Variants in RASA3 observed in about 807,000 individuals in gnomAD.
RASA3 encodes the protein RAS p21 protein activator 3.
A neutral mutation model predicts 110.0 loss-of-function variants in RASA3; 73 were observed. The ratio of observed to expected loss-of-function variants is 0.66; its 90% CI spans 0.55 to 0.81. The LOEUF is 0.81. Among genes scored for constraint, RASA3 ranks in the 30% least tolerant of loss-of-function variants. The pLI, the probability that RASA3 is intolerant of heterozygous loss-of-function variation, is 0.00. For missense variants in RASA3, 976 were observed against 1,113.2 expected, an observed-to-expected ratio of 0.88 and a Z score of 1.75; for synonymous variants, 500 against 451.4, an observed-to-expected ratio of 1.11 and a Z score of -1.37.
rs2054287734 is a variant in RASA3, at chr13:114,036,852, A to G, written c.372+4148T>C. On this transcript the variant is annotated intron_variant, in intron 4 of 23. Transcript: ENST00000334062. Reference sequence around the variant, plus strand: ...GCGCCCAGCCTGGAGTTGAGGTTTTAAAGGTTGGCTGGAGTCCAGCAGGGC... The same window carrying G: ...GCGCCCAGCCTGGAGTTGAGGTTTTGAAGGTTGGCTGGAGTCCAGCAGGGC... Among the ~76,000 whole-genome samples, 3 of 152,108 alleles carry G rather than the reference A, an allele frequency of 2.0e-5. No homozygotes were observed. The East Asian group carries it at 5.8e-4, about 29-fold the overall frequency.
At chr13:114,012,736 CCACT>C (rs755704872) in intron 15 of RASA3, among the ~76,000 whole-genome samples, 3 of 144,396 alleles carry the variant, frequency 2.1e-5, no homozygotes, top group East Asian at 2.1e-4. Context: ...CACACACTCC[CCACT>C]CACTCATTCC....
At position 114,011,245 on chromosome 13, in the gene RASA3, G is replaced by A; in HGVS notation, c.1516C>T (p.Pro506Ser). 6.2e-7 allele frequency: 1 copy of A among 1,612,228 alleles called. No homozygotes were observed. Among genetic ancestry groups the A allele is most frequent in the Non-Finnish European group, 8.5e-7 (1 of 1,179,374 alleles). ...AATGTCAGCGTCCTGGACGTCTGGG[G>A]GTCCTGGGGAGGCGGGAGCAAGAAA... ...LFQLTPHHTD[P>S]QTSRTLTLIS... The change falls in exon 16 of 24, where the codon CCC becomes TCC. Residue 506 changes from proline (P) to serine (S), a missense_variant. Around this residue, in one of 4 missense-constraint regions of RASA3, gnomAD observed 732 missense variants for 779.7 expected, o/e 0.94. Transcript: ENST00000334062. The surrounding 1 kb of genome is among the most constrained non-coding windows in gnomAD (Gnocchi z 4.8).
At chr13:114,052,738 C>G (rs536346634) in intron 2 of RASA3, among the ~76,000 whole-genome samples, 1 of 148,384 alleles carries the variant, frequency 6.7e-6, no homozygotes, top group Non-Finnish European at 1.5e-5. Flanking sequence ...GAGAGATCCC[C>G]GCTGCTGACT....
Position 114,065,240 on chromosome 13 carries a change from C to A in RASA3, c.173+8480G>T, listed in dbSNP as rs1442467762. Among the ~76,000 whole-genome samples, 2 of 152,372 alleles carry A rather than the reference C, an allele frequency of 1.3e-5. No homozygotes were observed. Among genetic ancestry groups the A allele is most frequent in the South Asian group, 2.1e-4 (1 of 4,832 alleles). ...TCCCAGCATCTGCGCAAGGCTGGCG[C>A]TGCCCCATCCCGCCTGCGGCTGCTC... On this transcript the variant is annotated intron_variant, in intron 2 of 23. Transcript: ENST00000334062. This position sits in a 1 kb window ranked among gnomAD's most constrained non-coding sequence, Gnocchi z 4.1.
Position 114,122,963 on chromosome 13 carries a change from G to A in RASA3, c.55+9472C>T, listed in dbSNP as rs75065364. ...CACCCAGCCTCCTTTCTGAGGAAGC[G>A]ATTCCACGAGCCACAAAAGCGCCTG... On this transcript the variant is annotated intron_variant, in intron 1 of 23. Coordinates refer to ENST00000334062, the MANE Select transcript of RASA3 (RefSeq NM_007368.4). Among the ~76,000 whole-genome samples the A allele has an allele frequency of 4.8e-3, 738 of 152,326 alleles. 5 individuals carry two copies. Among genetic ancestry groups the A allele is most frequent in the African/African-American group, 0.017 (707 of 41,560 alleles).
intron 2 of RASA3, among the ~76,000 whole-genome samples, chr13:114,060,747 G>A (rs146151161): frequency 1.6e-4 from 25 of 152,236 alleles, no homozygotes; most frequent in African/African-American, 6.0e-4. Flanking sequence ...GCTCGCCCGC[G>A]GTGGAGCTGC....
chr13:114,072,254 C>A (rs1274457079), intron 2 of RASA3, among the ~76,000 whole-genome samples: 8 of 151,948 alleles, frequency 5.3e-5, no homozygotes, highest in Non-Finnish European at 1.5e-5. Context: ...CTGCAGTGGT[C>A]CTCCGAGTAC....
At chr13:114,019,125 C>A (rs2053860049) in intron 9 of RASA3, among the ~76,000 whole-genome samples, 1 of 151,628 alleles carries the variant, frequency 6.6e-6, no homozygotes, top group African/African-American at 2.4e-5. Context: ...AGTGTTGGAG[C>A]CAAAGGCGCA....
At chr13:114,039,506 A>G (rs2054352327) in intron 4 of RASA3, among the ~76,000 whole-genome samples, 1 of 151,794 alleles carries the variant, frequency 6.6e-6, no homozygotes, top group South Asian at 2.1e-4. Flanking sequence ...CCGCAACCCT[A>G]CACTCAGACA....
In RASA3 at chr13:114,015,440, G is replaced by A. The variant is rs548744669; in HGVS notation, c.1282-108C>T. 597 of 1,416,088 alleles carry A rather than the reference G, an allele frequency of 4.2e-4. 2 individuals carry two copies. Among genetic ancestry groups the A allele is most frequent in the South Asian group, 4.9e-4 (39 of 79,538 alleles). The allele number at this position is 1,416,088 out of a possible 1,614,324, so 87.7% of individuals were successfully genotyped here. ...GCGTGGGGAGGGGCTGAGGGCGGGC[G>A]CAGGGCAGCTGCGGCAGTGAGACAC... On this transcript the variant is annotated intron_variant, in intron 13 of 23. Transcript: ENST00000334062.
rs1455423217 is a variant in RASA3 at position 114,014,095 on chromosome 13, C to T, written c.1406-847G>A. Among the ~76,000 whole-genome samples the T allele has an allele frequency of 1.5e-5, 2 of 132,838 alleles. No homozygotes were observed. The highest frequency in any genetic ancestry group is 3.3e-5 in the Non-Finnish European group (2 of 60,200). The allele number at this position is 132,838 out of a possible 152,430, so 87.1% of individuals were successfully genotyped here. The stretch of plus-strand genomic sequence containing the variant: ...CTCCGTCTGTCTCTGCCTCTCTCTC[C>T]GTCTCTCCCTGTCTCTCTCTCTCTC... On this transcript the variant is annotated intron_variant, in intron 14 of 23. Transcript: ENST00000334062. The surrounding 1 kb of genome is among the most constrained non-coding windows in gnomAD (Gnocchi z 4.5).
intron 22 of RASA3, among the ~76,000 whole-genome samples, chr13:113,989,566 C>T (rs1477907314): frequency 4.6e-5 from 7 of 151,486 alleles, no homozygotes; most frequent in Non-Finnish European, 7.4e-5. Flanking sequence ...ACCCATCACT[C>T]ATCCATCTAT....
rs570444978 is a variant in RASA3 at position 114,014,022 on chromosome 13, C to A, written c.1406-774G>T. Reference sequence around the variant, plus strand: ...TCCGTCTGTCTCTGTCTCTCTCCATCTCTCTCTCTCCGTCTCTATCTCTCT... The same window carrying A: ...TCCGTCTGTCTCTGTCTCTCTCCATATCTCTCTCTCCGTCTCTATCTCTCT... On this transcript the variant is annotated intron_variant, in intron 14 of 23. Coordinates refer to ENST00000334062, the MANE Select transcript of RASA3 (RefSeq NM_007368.4). The surrounding 1 kb of genome is among the most constrained non-coding windows in gnomAD (Gnocchi z 4.5). 1.7e-3 allele frequency among the ~76,000 whole-genome samples: 209 copies of A among 120,458 alleles called. 8 individuals are homozygous for A. Among genetic ancestry groups the A allele is most frequent in the African/African-American group, 6.0e-3 (197 of 32,874 alleles). The allele number at this position is 120,458 out of a possible 152,430, so 79.0% of individuals were successfully genotyped here. A position where few individuals can be genotyped will look rare whatever the true frequency, so the allele number is the denominator to read the frequency against.
At chr13:114,009,337 C>T (rs6560943) in intron 17 of RASA3, 50 bp downstream of exon 17, 917,205 of 1,419,542 alleles carry the variant, frequency 0.65, 299,413 homozygotes, top group African/African-American at 0.86. Context: ...AAGAGAACTC[C>T]GTCTCCTGAG....
chr13:114,080,734 A>ACTGAAACAGGGACCTCCCCCAGGGGC (rs1594436181), intron 1 of RASA3, among the ~76,000 whole-genome samples: 1 of 45,708 alleles, frequency 2.2e-5, no homozygotes, highest in African/African-American at 1.4e-4. Context: ...CTCCCAGGGC[A>ACTGAAACAGGGACCTCCCCCAGGGGC]CGCTTGGATT....
chr13:114,061,687 A>G (rs188235747), intron 2 of RASA3, among the ~76,000 whole-genome samples: 3 of 151,942 alleles, frequency 2.0e-5, no homozygotes, highest in South Asian at 2.1e-4. Flanking sequence ...AAAAAAAAAA[A>G]AAAAAGAAAA....
At chr13:114,030,002 C>T (rs2054116867) in intron 4 of RASA3, 115 bp from the exon 5 acceptor site, 1 of 926,958 alleles carries the variant, frequency 1.1e-6, no homozygotes, top group African/African-American at 1.6e-5. Context: ...CCCGCCCTGC[C>T]CTGGCCAATG....
In RASA3 at chr13:114,025,522, C is replaced by T. The variant is rs538381763; in HGVS notation, c.604-1167G>A. ...CTCACGCCCTCTCTGCAGGGCAGGT[C>T]GGGAGCTATTGTAGGGGCTTGTCTG... On this transcript the variant is annotated intron_variant, in intron 7 of 23. Coordinates refer to ENST00000334062, the MANE Select transcript of RASA3 (RefSeq NM_007368.4). 6.6e-5 allele frequency among the ~76,000 whole-genome samples: 10 copies of T among 152,278 alleles called. No homozygotes were observed. In the South Asian group the frequency reaches 1.0e-3, roughly 16 times the overall value.
chr13:114,011,071 T>C lies in RASA3; in HGVS notation c.1590+100A>G. On this transcript the variant is annotated intron_variant, in intron 16 of 23. Transcript: ENST00000334062. The surrounding 1 kb of genome is among the most constrained non-coding windows in gnomAD (Gnocchi z 4.8). ...CGGCTTTGATTCTTGATCTTTATCTTACGACTCTCTCAAATGTGGGAGGTT... is the reference window on the plus strand; with the variant it reads ...CGGCTTTGATTCTTGATCTTTATCTCACGACTCTCTCAAATGTGGGAGGTT... 8.9e-7 allele frequency: 1 copy of C among 1,120,220 alleles called. No individual in the cohort carries two copies. The highest frequency in any genetic ancestry group is 1.3e-5 in the South Asian group (1 of 75,622). The allele number at this position is 1,120,220 out of a possible 1,614,324, so 69.4% of individuals were successfully genotyped here.
Sources: allele counts gnomAD v4.1 joint callset (sites outside exome capture counted in the v4.1 genomes callset), GRCh38; gene constraint gnomAD v4.1.1; regional missense constraint gnomAD v4.1.1; non-coding constraint Gnocchi (gnomAD v3.1); transcripts MANE v1.5; gene names NCBI Gene and HGNC (gene_info 2026-07-23, HGNC 2026-07-21).